The following GLRA2 variants were observed in gnomAD, a reference collection of about 807,000 sequenced individuals.
GLRA2 encodes glycine receptor subunit alpha-2.
A neutral mutation model predicts 31.6 loss-of-function variants in GLRA2; 11 were observed. That is an observed-to-expected ratio of 0.35 (90% CI 0.22 to 0.58). GLRA2 has a LOEUF of 0.58. Among genes scored for constraint, GLRA2 ranks in the 20% least tolerant of loss-of-function variants. The pLI, the probability that GLRA2 is intolerant of heterozygous loss-of-function variation, is 0.84. For missense variants in GLRA2, 212 were observed against 351.8 expected (o/e 0.60, Z 3.18); for synonymous variants, 132 against 134.0 (o/e 0.99, Z 0.10).
At chrX:14,622,811 T>G (rs1285355078) in intron 7 of GLRA2, among the ~76,000 whole-genome samples, 1 of 112,035 alleles carries the variant, frequency 8.9e-6, no homozygotes, top group African/African-American at 3.2e-5. Flanking sequence ...TTACTCTTTT[T>G]GCTTAGGATT....
chrX:14,683,695 C>A (rs1055818883), intron 7 of GLRA2, among the ~76,000 whole-genome samples: 3 of 111,148 alleles, frequency 2.7e-5, no homozygotes, highest in African/African-American at 9.8e-5. Flanking sequence ...ACATTTAAGT[C>A]TTTAATCCAT....
At chrX:14,512,111 G>T in the GLRA2 span, among the ~76,000 whole-genome samples, 1 of 111,505 alleles carries the variant, frequency 9.0e-6, no homozygotes, top group Non-Finnish European at 1.9e-5. Context: ...CAACCATTTG[G>T]CAAGAATTCC....
intron 2 of GLRA2, among the ~76,000 whole-genome samples, chrX:14,570,333 C>A (rs749030423): frequency 5.3e-5 from 6 of 112,437 alleles, no homozygotes; most frequent in Middle Eastern, 4.6e-3. Context: ...GGAAAATCTA[C>A]ATTAAAGAAA....
intron 2 of GLRA2, among the ~76,000 whole-genome samples, chrX:14,546,006 TTTCAGAGG>T (rs1395771994): frequency 9.0e-6 from 1 of 111,505 alleles, no homozygotes; most frequent in African/African-American, 3.3e-5. Flanking sequence ...ATTTCACTTT[TTTCAGAGG>T]CCTTTTTAAA....
Position 14,627,965 on chromosome X carries a change from C to T in GLRA2, c.930+18760C>T, listed in dbSNP as rs749864585. 7.2e-5 allele frequency among the ~76,000 whole-genome samples: 8 copies of T among 111,274 alleles called. No individual in the cohort carries two copies. The East Asian group carries it at 8.5e-4, about 12-fold the overall frequency. On this transcript the variant is annotated intron_variant, in intron 7 of 8. Coordinates refer to ENST00000218075, the MANE Select transcript of GLRA2 (RefSeq NM_002063.4). ...CTGTAGAAAGTATGCTGGACAAATA[C>T]GGAAATAGCATTGATTATAGGATTA...
intron 4 of GLRA2, among the ~76,000 whole-genome samples, chrX:14,584,853 A>G (rs1163782796): frequency 2.7e-5 from 3 of 111,880 alleles, no homozygotes; most frequent in Non-Finnish European, 5.6e-5. Flanking sequence ...CTTGGGTGGC[A>G]TTTGCTCTAA....
chrX:14,479,690 C>G, the GLRA2 span, among the ~76,000 whole-genome samples: 1 of 111,497 alleles, frequency 9.0e-6, no homozygotes, highest in African/African-American at 3.3e-5. Flanking sequence ...CTATGTTGCA[C>G]AAAGGATGCA....
Position 14,730,253 on chromosome X carries a change from G to A in GLRA2, c.1127G>A (p.Gly376Glu). 1 of 1,197,808 alleles carries A rather than the reference G, an allele frequency of 8.3e-7. No individual in the cohort carries two copies. Among genetic ancestry groups the A allele is most frequent in the East Asian group, 3.0e-5 (1 of 33,700 alleles). Residue 376 changes from glycine to glutamate, a missense_variant, in exon 9 of 9, where the codon GGG becomes GAG. By Grantham distance (98) the Gly-to-Glu change is moderately conservative. Transcript: ENST00000218075. ...RESRFNFSGY[G>E]MGHCLQVKDG... is the part of the protein sequence containing the mutation. ...AGTCGTTTTAATTTTAGCGGTTATG[G>A]GATGGGTCACTGCCTCCAAGTGAAA... is the stretch of plus-strand genomic sequence containing the variant.
chrX:14,557,370 C>A (rs977164705), intron 2 of GLRA2, among the ~76,000 whole-genome samples: 1 of 110,822 alleles, frequency 9.0e-6, no homozygotes, highest in African/African-American at 3.3e-5. Flanking sequence ...CCGCCTCGGC[C>A]TCCCAAAGTG....
the GLRA2 span, among the ~76,000 whole-genome samples, chrX:14,459,225 G>T: frequency 2.7e-5 from 3 of 111,338 alleles, no homozygotes; most frequent in African/African-American, 9.8e-5. Flanking sequence ...CTGTTCCATT[G>T]GTCTATAACT....
intron 3 of GLRA2, among the ~76,000 whole-genome samples, chrX:14,578,873 T>C (rs757368687): frequency 1.8e-5 from 2 of 111,778 alleles, no homozygotes; most frequent in Non-Finnish European, 3.8e-5. Flanking sequence ...TGGAAGGATG[T>C]AGGTAGATAG....
chrX:14,681,668 A>G (rs1364997807), intron 7 of GLRA2, among the ~76,000 whole-genome samples: 3 of 108,261 alleles, frequency 2.8e-5, no homozygotes, highest in African/African-American at 1.0e-4. Context: ...AGATGGGCAA[A>G]TCATTTGAGG....
chrX:14,689,696 A>T (rs1011386698), intron 7 of GLRA2, among the ~76,000 whole-genome samples: 3 of 112,367 alleles, frequency 2.7e-5, no homozygotes, highest in African/African-American at 9.7e-5. Flanking sequence ...CTTGACAGCT[A>T]TCAAAATATA....
chrX:14,584,436 A>G (rs1451930572), intron 4 of GLRA2, among the ~76,000 whole-genome samples: 19 of 111,715 alleles, frequency 1.7e-4, no homozygotes. Context: ...CTCCTTGCAA[A>G]TAATTTTTCC....
intron 7 of GLRA2, among the ~76,000 whole-genome samples, chrX:14,623,667 G>A (rs187036092): frequency 0.028 from 3,136 of 111,579 alleles, 112 homozygotes; most frequent in African/African-American, 0.095. Flanking sequence ...ATTTGCGTAT[G>A]TTGAACCAGC....
chrX:14,508,142 A>T, the GLRA2 span, among the ~76,000 whole-genome samples: 1 of 112,060 alleles, frequency 8.9e-6, no homozygotes, highest in African/African-American at 3.3e-5. Context: ...TTAAAGAAAC[A>T]CAAATTAACA....
In GLRA2 at chrX:14,681,904, A is replaced by ATAT. The variant is rs1295348729; in HGVS notation, c.931-8806_931-8805insTAT. Among the ~76,000 whole-genome samples the ATAT allele has an allele frequency of 3.0e-3, 112 of 37,937 alleles. 1 individual carries two copies. The highest frequency in any genetic ancestry group is 8.8e-3 in the African/African-American group (109 of 12,414). The allele number at this position is 37,937 out of a possible 115,157, so 32.9% of individuals were successfully genotyped here. The stretch of plus-strand genomic sequence containing the variant: ...GAGACACCATCTCAAAAAAAAAAAA[A>ATAT]AAAAAAATATATATATATATATATA... On this transcript the variant is annotated intron_variant, in intron 7 of 8. Transcript: ENST00000218075.
At chrX:14,670,224 T>C (rs1490932778) in intron 7 of GLRA2, among the ~76,000 whole-genome samples, 1 of 111,913 alleles carries the variant, frequency 8.9e-6, no homozygotes, top group Non-Finnish European at 1.9e-5. Flanking sequence ...TTATTGTTCA[T>C]ATCACTATCG....
chrX:14,492,966 A>G, the GLRA2 span, among the ~76,000 whole-genome samples: 1 of 111,103 alleles, frequency 9.0e-6, no homozygotes, highest in Non-Finnish European at 1.9e-5. Context: ...ATATGGTGGA[A>G]GGGCAAAAGG....
Sources: gnomAD v4.1 joint callset for allele counts (sites outside exome capture counted in the v4.1 genomes callset) on GRCh38, gnomAD v4.1.1 for gene constraint, MANE v1.5 for transcripts, NCBI Gene and HGNC (gene_info 2026-07-23, HGNC 2026-07-21) for gene names.